The following LRRC37A2 variants were observed in gnomAD, a reference collection of about 807,000 sequenced individuals.
LRRC37A2 encodes leucine-rich repeat-containing protein 37A2.
A neutral mutation model predicts 68.8 loss-of-function variants in LRRC37A2; 9 were observed. The ratio of observed to expected loss-of-function variants is 0.13; its 90% CI spans 0.08 to 0.23. The LOEUF (loss-of-function observed/expected upper bound fraction) is 0.23. Among genes scored for constraint, LRRC37A2 ranks in the 10% least tolerant of loss-of-function variants. LRRC37A2 has a pLI of 1.00. For synonymous variants in LRRC37A2, 63 were observed against 367.6 expected (o/e 0.17, Z 9.48); for missense variants, 168 against 950.4 (o/e 0.18, Z 10.82).
the LRRC37A2 span, among the ~76,000 whole-genome samples, chr17:46,414,356 A>ATG: frequency 8.8e-6 from 1 of 113,010 alleles, no homozygotes; most frequent in Admixed American, 8.9e-5. Context: ...TTAAGTAGTG[A>ATG]TGTAGACCAA....
chr17:46,975,906 A>AGG, the LRRC37A2 span, among the ~76,000 whole-genome samples: 1 of 151,772 alleles, frequency 6.6e-6, no homozygotes, highest in Non-Finnish European at 1.5e-5. Context: ...GAAGGAAGGA[A>AGG]AGAAAATGAT....
chr17:46,741,312 G>A, the LRRC37A2 span, among the ~76,000 whole-genome samples: 1 of 152,130 alleles, frequency 6.6e-6, no homozygotes, highest in Non-Finnish European at 1.5e-5. Context: ...ATTGGAATTA[G>A]ATATCCTTTA....
the LRRC37A2 span, among the ~76,000 whole-genome samples, chr17:46,840,689 C>T: frequency 1.3e-5 from 2 of 152,182 alleles, no homozygotes; most frequent in African/African-American, 4.8e-5. Flanking sequence ...TTAATGGTCG[C>T]CATTCTAACT....
At chr17:46,987,261 A>G in the LRRC37A2 span, among the ~76,000 whole-genome samples, 1 of 151,818 alleles carries the variant, frequency 6.6e-6, no homozygotes, top group Non-Finnish European at 1.5e-5. Context: ...CAATAATAAT[A>G]ATAATAACTG....
chr17:46,940,532 G>A, the LRRC37A2 span: 20 of 1,613,904 alleles, frequency 1.2e-5, no homozygotes, highest in East Asian at 6.7e-5. Context: ...AGACTGCGAC[G>A]GCAAGGCTGT....
the LRRC37A2 span, among the ~76,000 whole-genome samples, chr17:46,497,523 C>A: frequency 6.9e-6 from 1 of 145,718 alleles, no homozygotes; most frequent in Non-Finnish European, 1.5e-5. Context: ...TAGCATTTTA[C>A]CTCTAAATAA....
the LRRC37A2 span, among the ~76,000 whole-genome samples, chr17:46,821,936 C>T: frequency 1.3e-5 from 2 of 152,208 alleles, no homozygotes; most frequent in East Asian, 3.9e-4. Context: ...CCGTCTGTCG[C>T]GGGGAAGGAG....
At chr17:46,784,820 G>A in the LRRC37A2 span, among the ~76,000 whole-genome samples, 1 of 148,336 alleles carries the variant, frequency 6.7e-6, no homozygotes. Context: ...CTGTCGCCCA[G>A]GCTGGAGTGC....
the LRRC37A2 span, among the ~76,000 whole-genome samples, chr17:46,718,205 G>T: frequency 1.3e-5 from 2 of 152,196 alleles, no homozygotes; most frequent in Non-Finnish European, 2.9e-5. Flanking sequence ...ACCCACCCCA[G>T]TGAGTGCCAA....
the LRRC37A2 span, among the ~76,000 whole-genome samples, chr17:46,379,866 GTTTTTTTTTTTTTT>G: frequency 8.4e-5 from 4 of 47,808 alleles, 1 homozygote; most frequent in African/African-American, 1.6e-4. Context: ...TTGCAATACT[GTTTTTTTTTTTTTT>G]TTTTTTTTTT....
chr17:46,860,185 C>T, the LRRC37A2 span, among the ~76,000 whole-genome samples: 2 of 152,102 alleles, frequency 1.3e-5, no homozygotes, highest in Admixed American at 1.3e-4. Flanking sequence ...TGAGAGTCAT[C>T]CTAGCCTCTT....
chr17:46,553,839 G>A (rs2057076411), intron 12 of LRRC37A2: 1 of 308,938 alleles, frequency 3.2e-6, no homozygotes, highest in African/African-American at 3.4e-5. Flanking sequence ...GGTGGGGAGG[G>A]ATAGGAAGGA....
chr17:46,875,047 CT>C, the LRRC37A2 span: 8 of 1,613,164 alleles, frequency 5.0e-6, no homozygotes. Context: ...AAGCTTCCTC[CT>C]TTCCTCTCTT....
the LRRC37A2 span, among the ~76,000 whole-genome samples, chr17:46,750,266 T>A: frequency 6.6e-6 from 1 of 152,038 alleles, no homozygotes; most frequent in Non-Finnish European, 1.5e-5. Flanking sequence ...AGCAGGAGAA[T>A]CTCTTGAACC....
the LRRC37A2 span, chr17:46,929,388 T>C: frequency 1.4e-6 from 1 of 701,968 alleles, no homozygotes; most frequent in Non-Finnish European, 2.6e-6. Flanking sequence ...AAGTGCCACA[T>C]ACAAATTTTA....
chr17:47,001,536 A>G, the LRRC37A2 span, among the ~76,000 whole-genome samples: 1 of 152,128 alleles, frequency 6.6e-6, no homozygotes, highest in Non-Finnish European at 1.5e-5. Context: ...AGAGATTACA[A>G]TTTGATAATA....
chr17:46,883,832 T>C, the LRRC37A2 span, among the ~76,000 whole-genome samples: 2 of 152,188 alleles, frequency 1.3e-5, no homozygotes, highest in East Asian at 3.9e-4. Context: ...CCACCCTGCA[T>C]ACCGCAAAGA....
chr17:46,991,164 T>A, the LRRC37A2 span, among the ~76,000 whole-genome samples: 4 of 152,332 alleles, frequency 2.6e-5, no homozygotes, highest in Admixed American at 2.6e-4. Flanking sequence ...AGTCATCATC[T>A]TCTGAGATGT....
the LRRC37A2 span, among the ~76,000 whole-genome samples, chr17:46,945,607 A>G: frequency 6.6e-6 from 1 of 152,158 alleles, no homozygotes; most frequent in Non-Finnish European, 1.5e-5. Context: ...GGCGTGGGCT[A>G]TGCAGAAGGG....
Sources: allele counts gnomAD v4.1 joint callset (sites outside exome capture counted in the v4.1 genomes callset), GRCh38; gene constraint gnomAD v4.1.1; transcripts MANE v1.5; gene names NCBI Gene and HGNC (gene_info 2026-07-23, HGNC 2026-07-21).